PLK5: variants seen among roughly 807,000 people sequenced by gnomAD.
The protein encoded by PLK5 is inactive serine/threonine-protein kinase PLK5.
In PLK5, 28 loss-of-function variants were observed where a neutral mutation model predicts 33.7. The observed-to-expected ratio is 0.83, with a 90% confidence interval of 0.62 to 1.14. The LOEUF (loss-of-function observed/expected upper bound fraction) is 1.14, where lower values mean the gene tolerates loss of function less well. PLK5 is among the 50% of genes most tolerant of loss of function. The probability of loss-of-function intolerance (pLI) is 0.00; values close to 1 mark genes in which losing one functional copy is unlikely to be tolerated. For synonymous variants in PLK5, 225 were observed against 202.2 expected, an observed-to-expected ratio of 1.11 and a Z score of -0.96; for missense variants, 492 against 461.5, an observed-to-expected ratio of 1.07 and a Z score of -0.61.
chr19:1,527,314 G>T (rs1233702806), intron 6 of PLK5, among the ~76,000 whole-genome samples: 1 of 152,024 alleles, frequency 6.6e-6, no homozygotes, highest in African/African-American at 2.4e-5. Context: ...AGCATTGGAA[G>T]GTGGAGGCCA....
At position 1,535,625 on chromosome 19, in the gene PLK5, G is replaced by A. The variant is rs773719225; in HGVS notation, c.*375G>A. The A allele has an allele frequency of 1.9e-5, 4 of 212,840 alleles. No homozygotes were observed. Among genetic ancestry groups the A allele is most frequent in the Non-Finnish European group, 3.7e-5 (4 of 108,086 alleles). 13.2% of individuals were successfully genotyped at this position (212,840 alleles called of 1,614,324 possible). On this transcript the variant is annotated 3_prime_UTR_variant, in exon 14 of 14. Coordinates refer to ENST00000454744, the MANE Select transcript of PLK5 (RefSeq NM_001243079.2). ...GAGGCCAGTGTAGTGGCTCATGCCTGGAATCCCAGCACTTTGGGAGGCCAA... is the reference window on the plus strand; with the variant it reads ...GAGGCCAGTGTAGTGGCTCATGCCTAGAATCCCAGCACTTTGGGAGGCCAA...
Position 1,535,325 on chromosome 19 carries a change from C to T in PLK5, c.*75C>T, listed in dbSNP as rs976862983. ...GGCTCCATTTCCATTCCTGTGGCTC[C>T]CCCAGAGGGGCTGTCCTGGGGGAGG... On this transcript the variant is annotated 3_prime_UTR_variant, in exon 14 of 14. Transcript: ENST00000454744. 1.4e-6 allele frequency: 2 copies of T among 1,448,462 alleles called. No individual in the cohort carries two copies. The highest frequency in any genetic ancestry group is 1.5e-5 in the African/African-American group (1 of 68,924). 89.7% of individuals were successfully genotyped at this position (1,448,462 alleles called of 1,614,324 possible).
At chr19:1,534,815 TAAAAAA>T (rs33945378) in intron 13 of PLK5, among the ~76,000 whole-genome samples, 8 of 145,934 alleles carry the variant, frequency 5.5e-5, no homozygotes, top group African/African-American at 2.0e-4. Context: ...GGACTCTGTT[TAAAAAA>T]AAAAAAAAGT....
Position 1,533,991 on chromosome 19 carries a change from C to T in PLK5, c.775C>T (p.Leu259=), listed in dbSNP as rs1394113213. The change falls in exon 13 of 14, where the codon CTG becomes TTG. Residue 259 remains leucine (L), a synonymous_variant. Coordinates refer to ENST00000454744, the MANE Select transcript of PLK5 (RefSeq NM_001243079.2). ...ACCCGGCCTCTGCCTCCTGCGCTTC[C>T]TGGCCTCTGAGCACGCCCTGCTGCT... ...AGPGLCLLRF[L]ASEHALLLLF... 8 of 1,535,528 alleles carry T rather than the reference C, an allele frequency of 5.2e-6. No homozygotes were observed. The Admixed American group carries it at 5.9e-5, about 11-fold the overall frequency.
Position 1,534,659 on chromosome 19 carries a change from A to C in PLK5, c.826-406A>C, listed in dbSNP as rs1334279644. Among the ~76,000 whole-genome samples the C allele has an allele frequency of 6.0e-5, 9 of 150,780 alleles. No individual in the cohort carries two copies. The East Asian group carries it at 1.8e-3, about 29-fold the overall frequency. On this transcript the variant is annotated intron_variant, in intron 13 of 13. Transcript: ENST00000454744. ...TCTCTACTAAAAATACAAAAAAAAA[A>C]AAAAAAAATTAGCCGGGCGTGGTGG...
chr19:1,535,362 C>A lies in PLK5; in HGVS notation c.*112C>A, dbSNP rs547543360. On this transcript the variant is annotated 3_prime_UTR_variant, in exon 14 of 14. Coordinates refer to ENST00000454744, the MANE Select transcript of PLK5 (RefSeq NM_001243079.2). ...TGTCCTGGGGGAGGGCTGGGGGGCA[C>A]ACGGGAGGTGGGTTCTTGCCTTGTG... 2 of 1,203,246 alleles carry A rather than the reference C, an allele frequency of 1.7e-6. No individual in the cohort carries two copies. Among genetic ancestry groups the A allele is most frequent in the African/African-American group, 1.6e-5 (1 of 62,822 alleles). 74.5% of individuals were successfully genotyped at this position (1,203,246 alleles called of 1,614,324 possible). A position where few individuals can be genotyped will look rare whatever the true frequency, so the allele number is the denominator to read the frequency against.
intron 2 of PLK5, 30 bp downstream of exon 2, chr19:1,525,448 ACAGTCCG>A (rs67588965): frequency 0.41 from 61,758 of 152,160 alleles, 12,978 homozygotes; most frequent in African/African-American, 0.52. Context: ...CCCAGGGCCC[ACAGTCCG>A]CAGCCCGCAG....
chr19:1,533,744 G>A (rs1034244842), intron 12 of PLK5, 187 bp from the exon 13 acceptor site: 18 of 606,062 alleles, frequency 3.0e-5, no homozygotes, highest in East Asian at 2.7e-5. Flanking sequence ...GCCCAACTGC[G>A]GGAGGCTGGA....
In PLK5 at chr19:1,535,394, C is replaced by A; in HGVS notation, c.*144C>A. On this transcript the variant is annotated 3_prime_UTR_variant, in exon 14 of 14. Transcript: ENST00000454744. ...GGTGGGTTCTTGCCTTGTGGCATGA[C>A]TGTTCAACCCAGACTTTGCTGGGAT... 1 of 834,180 alleles carries A rather than the reference C, an allele frequency of 1.2e-6. No individual in the cohort carries two copies. The highest frequency in any genetic ancestry group is 2.0e-5 in the South Asian group (1 of 50,880). 51.7% of individuals were successfully genotyped at this position (834,180 alleles called of 1,614,324 possible). A position where few individuals can be genotyped will look rare whatever the true frequency, so the allele number is the denominator to read the frequency against.
chr19:1,530,180 C>T (rs906471335), intron 11 of PLK5, among the ~76,000 whole-genome samples: 3 of 152,104 alleles, frequency 2.0e-5, no homozygotes, highest in African/African-American at 4.8e-5. Flanking sequence ...AACCCAAACC[C>T]TCTTCCTCTC....
chr19:1,526,443 G>A, intron 3 of PLK5, 43 bp from the exon 4 acceptor site: 1 of 229,062 alleles, frequency 4.4e-6, no homozygotes, highest in Admixed American at 5.2e-5. Flanking sequence ...GCCAGGCTGA[G>A]CTTACATTTG....
At chr19:1,534,588 G>A (rs1279425990) in intron 13 of PLK5, among the ~76,000 whole-genome samples, 13 of 149,436 alleles carry the variant, frequency 8.7e-5, no homozygotes, top group African/African-American at 2.2e-4. Flanking sequence ...GGCAGATCAC[G>A]AGGTCAGGAG....
chr19:1,528,231 GT>G, intron 7 of PLK5, 70 bp from the exon 8 acceptor site: 1 of 1,535,170 alleles, frequency 6.5e-7, no homozygotes, highest in Non-Finnish European at 8.7e-7. Flanking sequence ...GCCCCGCCCT[GT>G]CCCAGGTAAC....
chr19:1,531,606 G>T, intron 11 of PLK5, 132 bp from the exon 12 acceptor site: 2 of 1,060,806 alleles, frequency 1.9e-6, no homozygotes, highest in Non-Finnish European at 1.3e-6. Flanking sequence ...CACCACCGAA[G>T]CCCCCAAGCC....
intron 3 of PLK5, among the ~76,000 whole-genome samples, chr19:1,526,181 G>A (rs975225139): frequency 2.0e-5 from 3 of 152,132 alleles, no homozygotes; most frequent in Admixed American, 6.5e-5. Context: ...CCCCCTCTGC[G>A]TTCACTCCTA....
At chr19:1,531,593 A>C (rs986063720) in intron 11 of PLK5, 145 bp from the exon 12 acceptor site, 113 of 933,748 alleles carry the variant, frequency 1.2e-4, no homozygotes, top group Admixed American at 2.1e-4. Flanking sequence ...GTCTCCTAGA[A>C]TCCACCACCG....
At position 1,535,988 on chromosome 19, in the gene PLK5, G is replaced by A. The variant is rs748205255; in HGVS notation, c.*738G>A. 5 of 152,524 alleles carry A rather than the reference G, an allele frequency of 3.3e-5. No homozygotes were observed. The highest frequency in any genetic ancestry group is 5.9e-5 in the Non-Finnish European group (4 of 68,280). 9.4% of individuals were successfully genotyped at this position (152,524 alleles called of 1,614,324 possible). On this transcript the variant is annotated 3_prime_UTR_variant, in exon 14 of 14. Coordinates refer to ENST00000454744, the MANE Select transcript of PLK5 (RefSeq NM_001243079.2). ...AAGAAGCCGACACTGAGGCTGGAAA[G>A]ATGGCTGGCTATGCTCCGGGACACA...
chr19:1,535,455 G>A lies in PLK5; in HGVS notation c.*205G>A. 5.3e-6 allele frequency: 3 copies of A among 571,412 alleles called. No homozygotes were observed. Among genetic ancestry groups the A allele is most frequent in the East Asian group, 3.3e-5 (1 of 29,924 alleles). The allele number at this position is 571,412 out of a possible 1,614,324, so 35.4% of individuals were successfully genotyped here. A position where few individuals can be genotyped will look rare whatever the true frequency, so the allele number is the denominator to read the frequency against. ...TTCATTAAAGACAATTTGAAATGCT[G>A]TAGGCCATGGTCTGCCTCTCTTTGG... On this transcript the variant is annotated 3_prime_UTR_variant, in exon 14 of 14. Coordinates refer to ENST00000454744, the MANE Select transcript of PLK5 (RefSeq NM_001243079.2).
rs776910868 is a variant in PLK5 at position 1,529,427 on chromosome 19, G to A, written c.427G>A (p.Val143Ile). The change falls in exon 10 of 14, where the codon GTT (valine) becomes ATT (isoleucine). Residue 143 changes from valine to isoleucine, a missense_variant. By Grantham distance (29) the Val-to-Ile change is conservative. Transcript: ENST00000454744. ...TCAGAGCTCCCTGTCTGCGAAAGAGGTTCCCTGCCTGGAAGGCCCCATCCA... is the reference window on the plus strand; with the variant it reads ...TCAGAGCTCCCTGTCTGCGAAAGAGATTCCCTGCCTGGAAGGCCCCATCCA... ...DGESSLSAKE[V>I]PCLEGPIHLV... The A allele has an allele frequency of 2.6e-6, 4 of 1,536,004 alleles. No homozygotes were observed. Among genetic ancestry groups the A allele is most frequent in the South Asian group, 1.2e-5 (1 of 84,062 alleles).
Sources: allele counts gnomAD v4.1 joint callset (sites outside exome capture counted in the v4.1 genomes callset), GRCh38; gene constraint gnomAD v4.1.1; transcripts MANE v1.5; gene names NCBI Gene and HGNC (gene_info 2026-07-23, HGNC 2026-07-21).